Variants in NIPSNAP2 observed in about 807,000 individuals in gnomAD.
NIPSNAP2 encodes the protein nipsnap homolog 2.
In NIPSNAP2, 42 loss-of-function variants were observed where a neutral mutation model predicts 48.4. The ratio of observed to expected loss-of-function variants is 0.87; its 90% CI spans 0.68 to 1.12. The LOEUF (loss-of-function observed/expected upper bound fraction) is 1.12, where lower values mean the gene tolerates loss of function less well. Among genes scored for constraint, NIPSNAP2 ranks in the 50% most tolerant of loss-of-function variants. NIPSNAP2 has a pLI of 0.00. For synonymous variants in NIPSNAP2, 158 were observed against 126.6 expected (o/e 1.25, Z -1.67); for missense variants, 314 against 347.3 (o/e 0.90, Z 0.76).
intron 7 of NIPSNAP2, among the ~76,000 whole-genome samples, chr7:55,990,930 G>A (rs1299102407): frequency 6.6e-6 from 1 of 151,868 alleles, no homozygotes; most frequent in East Asian, 1.9e-4. Flanking sequence ...TGGGATTACA[G>A]GCGTGCACCG....
At chr7:55,991,874 AC>A in intron 7 of NIPSNAP2, 1 of 243,086 alleles carries the variant, frequency 4.1e-6, no homozygotes, top group Admixed American at 5.2e-5. Context: ...TCTGATTGTT[AC>A]CAGGCTAAGG....
Position 55,981,519 on chromosome 7 carries a change from A to G in NIPSNAP2, c.325A>G (p.Thr109Ala). The G allele has an allele frequency of 6.2e-7, 1 of 1,613,990 alleles. No homozygotes were observed. The highest frequency in any genetic ancestry group is 8.5e-7 in the Non-Finnish European group (1 of 1,179,928). ...KIHEDKHYPC[T>A]LVGTWNTWYG... ...TCACGAAGATAAACACTACCCTTGT[A>G]CTTTGGTGGGGACTTGGAACACGTG... Residue 109 changes from threonine (T) to alanine (A), a missense_variant, in exon 4 of 10, where the codon ACT becomes GCT. Physicochemically the swap from Thr to Ala is moderately conservative, Grantham distance 58. Around this residue, in one of 2 missense-constraint regions of NIPSNAP2, gnomAD observed 198 missense variants for 185.5 expected, o/e 1.07. Coordinates refer to ENST00000322090, the MANE Select transcript of NIPSNAP2 (RefSeq NM_001483.3).
At chr7:55,990,716 T>C (rs1352691198) in intron 7 of NIPSNAP2, among the ~76,000 whole-genome samples, 1 of 152,108 alleles carries the variant, frequency 6.6e-6, no homozygotes, top group Non-Finnish European at 1.5e-5. Flanking sequence ...TTGACAGCTC[T>C]CACCTTGAAA....
At chr7:55,988,026 C>T (rs993984227) in intron 7 of NIPSNAP2, among the ~76,000 whole-genome samples, 1 of 151,988 alleles carries the variant, frequency 6.6e-6, no homozygotes, top group African/African-American at 2.4e-5. Flanking sequence ...CTTTGGGAGG[C>T]TAAGGTGGGC....
intron 1 of NIPSNAP2, among the ~76,000 whole-genome samples, chr7:55,976,106 TGAAAA>T (rs1787103293): frequency 1.3e-5 from 2 of 151,866 alleles, no homozygotes; most frequent in Admixed American, 6.6e-5. Flanking sequence ...GGTTATACAA[TGAAAA>T]GAAAAAACCT....
At chr7:55,974,344 A>C (rs1481948904) in intron 1 of NIPSNAP2, among the ~76,000 whole-genome samples, 1 of 152,142 alleles carries the variant, frequency 6.6e-6, no homozygotes, top group Non-Finnish European at 1.5e-5. Flanking sequence ...CCGTTGCTGC[A>C]TAAGAATAGG....
chr7:55,967,329 A>G (rs960114180), intron 1 of NIPSNAP2, among the ~76,000 whole-genome samples: 2 of 152,178 alleles, frequency 1.3e-5, no homozygotes, highest in Non-Finnish European at 2.9e-5. Flanking sequence ...ATCATTTACC[A>G]AATCTGTCAG....
At chr7:55,983,478 T>G (rs1360584168) in intron 5 of NIPSNAP2, among the ~76,000 whole-genome samples, 1 of 152,208 alleles carries the variant, frequency 6.6e-6, no homozygotes, top group African/African-American at 2.4e-5. Flanking sequence ...AAATTAAATT[T>G]GTTTGCATTG....
Position 55,999,222 on chromosome 7 carries a change from A to G in NIPSNAP2, c.*150A>G. On this transcript the variant is annotated 3_prime_UTR_variant, in exon 10 of 10. Transcript: ENST00000322090. The stretch of plus-strand genomic sequence containing the variant: ...GAAACCTCTTTTCTTTAAAATTTAC[A>G]TAATCACAAGAAAGGAAAGAATTAC... 1.5e-6 allele frequency: 1 copy of G among 657,356 alleles called. No homozygotes were observed. Among genetic ancestry groups the G allele is most frequent in the Non-Finnish European group, 2.7e-6 (1 of 373,934 alleles). The allele number at this position is 657,356 out of a possible 1,614,324, so 40.7% of individuals were successfully genotyped here.
At chr7:55,995,298 T>C (rs749497001) in intron 8 of NIPSNAP2, among the ~76,000 whole-genome samples, 107 of 152,120 alleles carry the variant, frequency 7.0e-4, no homozygotes, top group African/African-American at 2.4e-3. Flanking sequence ...CAGCCTTTCT[T>C]TGTAGACTGA....
At chr7:55,982,850 C>T (rs1397992999) in intron 5 of NIPSNAP2, among the ~76,000 whole-genome samples, 3 of 151,646 alleles carry the variant, frequency 2.0e-5, no homozygotes, top group African/African-American at 7.3e-5. Flanking sequence ...GGGCTGGGTG[C>T]GGTAACTCAT....
chr7:55,994,910 T>G lies in NIPSNAP2; in HGVS notation c.634T>G (p.Phe212Val), dbSNP rs556197075. 4 of 1,614,150 alleles carry G rather than the reference T, an allele frequency of 2.5e-6. No homozygotes were observed. The Admixed American group carries it at 5.0e-5, about 20-fold the overall frequency. ...WGNYWARAIR[F>V]RQDGNEAVGG... ...TTCTTACAGGGCTCGTGCAATCCGC[T>G]TCAGACAGGATGGTAACGAAGCCGT... The change falls in exon 8 of 10, where the codon TTC (phenylalanine) becomes GTC (valine). Residue 212 changes from phenylalanine (F) to valine (V), a missense_variant. Physicochemically the swap from Phe to Val is conservative, Grantham distance 50 (BLOSUM62 -1). This residue lies in a region of NIPSNAP2 where 116 missense variants were observed against 161.8 expected (regional missense o/e 0.72). Coordinates refer to ENST00000322090, the MANE Select transcript of NIPSNAP2 (RefSeq NM_001483.3).
At position 55,981,509 on chromosome 7, in the gene NIPSNAP2, C is replaced by T. The variant is rs1262536317; in HGVS notation, c.315C>T (p.His105=). 5.0e-6 allele frequency: 8 copies of T among 1,613,950 alleles called. No homozygotes were observed. The highest frequency in any genetic ancestry group is 8.5e-7 in the Non-Finnish European group (1 of 1,179,884). Residue 105 remains histidine, a synonymous_variant, in exon 4 of 10, where the codon CAC becomes CAT. Coordinates refer to ENST00000322090, the MANE Select transcript of NIPSNAP2 (RefSeq NM_001483.3). The part of the protein sequence containing the change: ...EVLPKIHEDK[H]YPCTLVGTWN... ...TGCCAAAGATTCACGAAGATAAACA[C>T]TACCCTTGTACTTTGGTGGGGACTT...
intron 7 of NIPSNAP2, among the ~76,000 whole-genome samples, chr7:55,987,001 A>AC (rs1293739654): frequency 6.7e-6 from 1 of 149,488 alleles, no homozygotes; most frequent in Non-Finnish European, 1.5e-5. Context: ...AAAAAAAAAA[A>AC]AAAAAAAAAC....
At chr7:55,988,996 G>A (rs1056282506) in intron 7 of NIPSNAP2, among the ~76,000 whole-genome samples, 1 of 152,030 alleles carries the variant, frequency 6.6e-6, no homozygotes, top group Admixed American at 6.6e-5. Flanking sequence ...TTTCCTCCTT[G>A]GATCATCAAA....
intron 1 of NIPSNAP2, among the ~76,000 whole-genome samples, chr7:55,970,125 G>A (rs1200901511): frequency 1.3e-5 from 2 of 151,624 alleles, no homozygotes; most frequent in Non-Finnish European, 2.9e-5. Context: ...TCTTCTGAAT[G>A]CACTCCTTTC....
At chr7:55,996,740 A>G (rs73140745) in intron 8 of NIPSNAP2, among the ~76,000 whole-genome samples, 21,834 of 152,170 alleles carry the variant, frequency 0.14, 1,736 homozygotes, top group Non-Finnish European at 0.18. Flanking sequence ...CTTAAGAGGG[A>G]ATTGTGTCTG....
At position 55,974,572 on chromosome 7, in the gene NIPSNAP2, G is replaced by T. The variant is rs181583636; in HGVS notation, c.93-3554G>T. On this transcript the variant is annotated intron_variant, in intron 1 of 9. Transcript: ENST00000322090. ...TTAGAAATACTATTGTAGAAGGCTG[G>T]GCGCAGTGGCTCACGCCTGTAATCC... is the stretch of plus-strand genomic sequence containing the variant. Among the ~76,000 whole-genome samples the T allele has an allele frequency of 7.2e-4, 109 of 152,148 alleles. No individual in the cohort carries two copies. In the East Asian group the frequency reaches 0.02, roughly 28 times the overall value.
At chr7:55,987,425 T>A (rs867563395) in intron 7 of NIPSNAP2, among the ~76,000 whole-genome samples, 12 of 151,978 alleles carry the variant, frequency 7.9e-5, no homozygotes, top group Non-Finnish European at 1.3e-4. Context: ...CTCAGGAGTT[T>A]GAGACCAGCC....
Sources: gnomAD v4.1 joint callset for allele counts (sites outside exome capture counted in the v4.1 genomes callset) on GRCh38, gnomAD v4.1.1 for gene constraint, gnomAD v4.1.1 regional missense constraint, MANE v1.5 for transcripts, NCBI Gene and HGNC (gene_info 2026-07-23, HGNC 2026-07-21) for gene names.